Variants in ZNF726 observed in about 807,000 individuals in gnomAD.
ZNF726 encodes the protein zinc finger protein 92 pseudogene 3.
A neutral mutation model predicts 11.6 loss-of-function variants in ZNF726; 15 were observed. The observed-to-expected ratio is 1.29, with a 90% CI of 0.86 to 1.99. The LOEUF (loss-of-function observed/expected upper bound fraction) is 1.99, where lower values mean the gene tolerates loss of function less well. Among genes scored for constraint, ZNF726 ranks in the 30% most tolerant of loss-of-function variants. The pLI is 0.00. For synonymous variants in ZNF726, 295 were observed against 243.6 expected, an observed-to-expected ratio of 1.21 and a Z score of -1.96; for missense variants, 890 against 725.6, an observed-to-expected ratio of 1.23 and a Z score of -2.60.
At chr19:23,916,727 C>T (rs1967710058) in intron 1 of ZNF726, among the ~76,000 whole-genome samples, 2 of 152,136 alleles carry the variant, frequency 1.3e-5, no homozygotes, top group African/African-American at 4.8e-5. Context: ...TAATCTGACA[C>T]TATTGTAAAA....
chr19:23,917,196 C>A (rs1967722246), intron 1 of ZNF726, among the ~76,000 whole-genome samples: 2 of 152,212 alleles, frequency 1.3e-5, no homozygotes, highest in South Asian at 4.1e-4. Flanking sequence ...AGTGACTCAC[C>A]TTCTTTGGCC....
rs1568380661 is a variant in ZNF726, at chr19:23,933,414, C to T, written c.1298C>T (p.Ala433Val). ...KPYKCEECGK[A>V]FIWSSNLTEH... Reference sequence around the variant, plus strand: ...TACAAGTGTGAAGAATGCGGCAAAGCGTTTATATGGTCCTCAAACCTTACT... The same window carrying T: ...TACAAGTGTGAAGAATGCGGCAAAGTGTTTATATGGTCCTCAAACCTTACT... The change falls in exon 4 of 4, where the codon GCG becomes GTG. Residue 433 changes from alanine to valine, a missense_variant. Transcript: ENST00000594466. The T allele has an allele frequency of 6.2e-6, 10 of 1,612,150 alleles. No individual in the cohort carries two copies. Among genetic ancestry groups the T allele is most frequent in the East Asian group, 4.5e-5 (2 of 44,800 alleles).
At chr19:23,918,739 A>G (rs200649524) in intron 1 of ZNF726, among the ~76,000 whole-genome samples, 1 of 144,978 alleles carries the variant, frequency 6.9e-6, no homozygotes, top group Non-Finnish European at 1.5e-5. Flanking sequence ...TGTTTTTTTT[A>G]GGTATTCTTT....
chr19:23,933,374 A>G lies in ZNF726; in HGVS notation c.1258A>G (p.Thr420Ala), dbSNP rs1968161793. The G allele has an allele frequency of 1.9e-6, 3 of 1,612,848 alleles. No homozygotes were observed. Among genetic ancestry groups the G allele is most frequent in the Non-Finnish European group, 2.5e-6 (3 of 1,179,772 alleles). ...TCTTACTAAACATAAGATAATTCATACTGGAGAGAAACCTTACAAGTGTGA... is the reference window on the plus strand; with the variant it reads ...TCTTACTAAACATAAGATAATTCATGCTGGAGAGAAACCTTACAAGTGTGA... ...SNLTKHKIIHTGEKPYKCEEC... is the reference protein window; with the variant it reads ...SNLTKHKIIHAGEKPYKCEEC... Residue 420 changes from threonine (T) to alanine (A), a missense_variant, in exon 4 of 4, where the codon ACT becomes GCT. Transcript: ENST00000594466.
In ZNF726 at chr19:23,932,703, C is replaced by G; in HGVS notation, c.587C>G (p.Thr196Ser). 1.2e-6 allele frequency: 2 copies of G among 1,605,672 alleles called. No homozygotes were observed. The highest frequency in any genetic ancestry group is 2.7e-5 in the African/African-American group (2 of 74,432). Residue 196 changes from threonine (T) to serine (S), a missense_variant, in exon 4 of 4, where the codon ACT (threonine) becomes AGT (serine). By Grantham distance (58) the Thr-to-Ser change is moderately conservative (BLOSUM62 1). Coordinates refer to ENST00000594466, the MANE Select transcript of ZNF726 (RefSeq NM_001244038.2). ...AAAACCCAGCATAAAAGCATATATA[C>G]TACAGAGAAGTCCTACAAATGTAAA... The part of the protein sequence containing the change: ...SHKTQHKSIY[T>S]TEKSYKCKEC...
In ZNF726 at chr19:23,940,574, T is replaced by C. The variant is rs537595663; in HGVS notation, c.227-2920T>C. Among the ~76,000 whole-genome samples the C allele has an allele frequency of 2.6e-5, 4 of 152,340 alleles. No individual in the cohort carries two copies. The East Asian group carries it at 7.7e-4, about 29-fold the overall frequency. The stretch of plus-strand genomic sequence containing the variant: ...GGATTCTGTGGAATTTGTAGATTGC[T>C]TTAGGCAGTATGGTCATTTCCACAA... On this transcript the variant is annotated intron_variant, in intron 3 of 4. Coordinates refer to the ZNF726 transcript ENST00000334589.
rs903390394 is a variant in ZNF726 at position 23,943,831 on chromosome 19, C to G, written c.322+242C>G. ...AGGGTACCATGAGAACTAAACTCCT[C>G]TTTATGGCTTATAAGGTACTGCATG... On this transcript the variant is annotated intron_variant, in intron 4 of 4. Transcript: ENST00000334589. The G allele has an allele frequency of 3.9e-5, 13 of 329,790 alleles. No homozygotes were observed. The East Asian group carries it at 5.5e-4, about 14-fold the overall frequency. The allele number at this position is 329,790 out of a possible 1,614,324, so 20.4% of individuals were successfully genotyped here.
At chr19:23,936,290 A>T (rs368787634), downstream of ZNF726, 1 of 152,242 alleles carries the variant, frequency 6.6e-6, no homozygotes, top group African/African-American at 2.4e-5. Context: ...AGTGCTGAGT[A>T]TAGGAAATAA....
At chr19:23,936,253 C>T (rs1381252242), downstream of ZNF726, 1 of 152,104 alleles carries the variant, frequency 6.6e-6, no homozygotes, top group Non-Finnish European at 1.5e-5. Context: ...ATTTAGGGCA[C>T]TCAAACTTTA....
At chr19:23,941,062 T>G (rs1968330758) in intron 3 of ZNF726, among the ~76,000 whole-genome samples, 1 of 152,190 alleles carries the variant, frequency 6.6e-6, no homozygotes, top group Non-Finnish European at 1.5e-5. Flanking sequence ...TTTTCTGTTC[T>G]CAGAGGGAAT....
At chr19:23,917,401 T>C (rs7246598) in intron 1 of ZNF726, among the ~76,000 whole-genome samples, 7,102 of 152,218 alleles carry the variant, frequency 0.047, 246 homozygotes, top group African/African-American at 0.094. Context: ...AGAGTGAGTT[T>C]AGAAATTTTC....
At chr19:23,923,409 A>ATTTTT (rs567346496) in intron 3 of ZNF726, 35 of 334,458 alleles carry the variant, frequency 1.0e-4, no homozygotes, top group Admixed American at 1.6e-4. Flanking sequence ...GATGCCAGTA[A>ATTTTT]TTTTTTTTTT....
At chr19:23,915,261 G>T (rs1454113414) in intron 1 of ZNF726, among the ~76,000 whole-genome samples, 1 of 152,098 alleles carries the variant, frequency 6.6e-6, no homozygotes, top group African/African-American at 2.4e-5. Context: ...CAGTAGCCCC[G>T]CGTCTCTCCC....
intron 1 of ZNF726, among the ~76,000 whole-genome samples, chr19:23,915,440 A>C (rs1243161027): frequency 6.6e-6 from 1 of 152,176 alleles, no homozygotes; most frequent in Non-Finnish European, 1.5e-5. Flanking sequence ...GTGATTCAAA[A>C]ATTTTAGAGC....
intron 3 of ZNF726, among the ~76,000 whole-genome samples, chr19:23,940,618 A>G (rs1032846529): frequency 1.3e-5 from 2 of 152,234 alleles, no homozygotes; most frequent in African/African-American, 2.4e-5. Flanking sequence ...CTATCCTTCC[A>G]TGAGCATGGG....
intron 3 of ZNF726, chr19:23,923,924 G>A (rs1967919419): frequency 1.3e-5 from 2 of 152,046 alleles, no homozygotes; most frequent in African/African-American, 2.4e-5. Flanking sequence ...TTAATGTGGA[G>A]TTTAATTAAA....
In ZNF726 at chr19:23,933,773, A is replaced by G. The variant is rs768004748; in HGVS notation, c.1657A>G (p.Ser553Gly). ...AACTTTTAATCAATCCTCAAATCTTAGTACACATAAGATAATTCATACTGG... is the reference window on the plus strand; with the variant it reads ...AACTTTTAATCAATCCTCAAATCTTGGTACACATAAGATAATTCATACTGG... ...GKTFNQSSNL[S>G]THKIIHTGEK... is the part of the protein sequence containing the mutation. The change falls in exon 4 of 4, where the codon AGT becomes GGT. Residue 553 changes from serine (S) to glycine (G), a missense_variant. Ser to Gly is a moderately conservative substitution (Grantham distance 56, BLOSUM62 0). Coordinates refer to ENST00000594466, the MANE Select transcript of ZNF726 (RefSeq NM_001244038.2). 9.3e-6 allele frequency: 15 copies of G among 1,610,276 alleles called. No individual in the cohort carries two copies. Among genetic ancestry groups the G allele is most frequent in the Non-Finnish European group, 1.3e-5 (15 of 1,178,938 alleles).
At chr19:23,937,727 A>C (rs1029656169), downstream of ZNF726, among the ~76,000 whole-genome samples, 31 of 152,120 alleles carry the variant, frequency 2.0e-4, no homozygotes, top group African/African-American at 4.6e-4. Flanking sequence ...GACGCTCCTC[A>C]CTTCCCAGAT....
At position 23,933,542 on chromosome 19, in the gene ZNF726, A is replaced by G. The variant is rs557130191; in HGVS notation, c.1426A>G (p.Thr476Ala). The G allele has an allele frequency of 2.2e-5, 36 of 1,612,826 alleles. No homozygotes were observed. The African/African-American group carries it at 3.2e-4, about 14-fold the overall frequency. The stretch of plus-strand genomic sequence containing the variant: ...CCTAACTACACATAAGAGGATGCAC[A>G]CTGGAGAGAAACCCTACAAATGTGA... The part of the protein sequence containing the change: ...SALTTHKRMH[T>A]GEKPYKCEEC... Residue 476 changes from threonine to alanine, a missense_variant, in exon 4 of 4, where the codon ACT becomes GCT. By Grantham distance (58) the Thr-to-Ala change is moderately conservative. Coordinates refer to ENST00000594466, the MANE Select transcript of ZNF726 (RefSeq NM_001244038.2).
Sources: gnomAD v4.1 joint callset for allele counts (sites outside exome capture counted in the v4.1 genomes callset) on GRCh38, gnomAD v4.1.1 for gene constraint, MANE v1.5 for transcripts, NCBI Gene and HGNC (gene_info 2026-07-23, HGNC 2026-07-21) for gene names.